Variants in SNRPN observed in about 807,000 individuals in gnomAD.
SNRPN encodes small nuclear ribonucleoprotein polypeptide N.
A neutral mutation model predicts 25.2 loss-of-function variants in SNRPN; 7 were observed. The ratio of observed to expected loss-of-function variants is 0.28; its 90% CI spans 0.16 to 0.52. SNRPN has a LOEUF of 0.52. Ranked by LOEUF, SNRPN falls within the 20% of genes least tolerant of loss-of-function variation. The probability of loss-of-function intolerance (pLI) is 0.96; values close to 1 mark genes in which losing one functional copy is unlikely to be tolerated. For synonymous variants in SNRPN, 124 were observed against 110.6 expected (o/e 1.12, Z -0.76); for missense variants, 196 against 322.5 (o/e 0.61, Z 3.00).
intron 3 of SNRPN, among the ~76,000 whole-genome samples, chr15:24,923,233 T>C (rs189099098): frequency 1.4e-4 from 21 of 152,268 alleles, no homozygotes; most frequent in African/African-American, 5.1e-4. Flanking sequence ...CTGATGATTG[T>C]TTGGGTTGTG....
At chr15:24,844,985 G>A (rs2052057043) in intron 2 of SNRPN, among the ~76,000 whole-genome samples, 1 of 151,866 alleles carries the variant, frequency 6.6e-6, no homozygotes, top group South Asian at 2.1e-4. Context: ...TTTATATCTA[G>A]TGCAAAAAAG....
chr15:24,932,919 G>A (rs2152899193), intron 3 of SNRPN, among the ~76,000 whole-genome samples: 1 of 152,272 alleles, frequency 6.6e-6, no homozygotes, highest in Non-Finnish European at 1.5e-5. Flanking sequence ...AAAGTGCTGG[G>A]ATTACAGGCG....
intron 3 of SNRPN, among the ~76,000 whole-genome samples, chr15:24,926,250 C>A (rs372186201): frequency 1.1e-4 from 17 of 151,970 alleles, no homozygotes; most frequent in South Asian, 1.0e-3. Flanking sequence ...GTAGGTGATT[C>A]CTTTTTAAAT....
At chr15:24,858,113 G>A (rs958311966) in intron 1 of SNRPN, among the ~76,000 whole-genome samples, 1 of 152,142 alleles carries the variant, frequency 6.6e-6, no homozygotes, top group Non-Finnish European at 1.5e-5. Context: ...ATCCCCAGGA[G>A]CAGTTTGAGG....
At chr15:24,878,516 C>G (rs544688565) in intron 1 of SNRPN, among the ~76,000 whole-genome samples, 1 of 152,350 alleles carries the variant, frequency 6.6e-6, no homozygotes, top group East Asian at 1.9e-4. Context: ...ATGGCGCCCG[C>G]CGGGAGTCTC....
rs113034679 is a variant in SNRPN, at chr15:24,944,076, C to A, written c.-390-18038C>A. ...ACCTCAAGTGATCTATCTGCCTCAG[C>A]CTCCCAGAGTGCTGGGATTACAGGC... On this transcript the variant is annotated intron_variant, in intron 3 of 11. Transcript: ENST00000400097. Among the ~76,000 whole-genome samples the A allele has an allele frequency of 2.7e-3, 412 of 152,312 alleles. 1 individual carries two copies. Among genetic ancestry groups the A allele is most frequent in the African/African-American group, 9.4e-3 (392 of 41,580 alleles).
intron 2 of SNRPN, among the ~76,000 whole-genome samples, chr15:24,830,624 G>A (rs1016893131): frequency 6.6e-6 from 1 of 152,038 alleles, no homozygotes; most frequent in African/African-American, 2.4e-5. Flanking sequence ...TTGATGAGGT[G>A]TGTTTTCCTT....
Position 24,962,129 on chromosome 15 carries a change from G to C in SNRPN, c.-375G>C. 1 of 1,614,128 alleles carries C rather than the reference G, an allele frequency of 6.2e-7. No individual in the cohort carries two copies. The highest frequency in any genetic ancestry group is 8.5e-7 in the Non-Finnish European group (1 of 1,180,020). On this transcript the variant is annotated 5_prime_UTR_variant, in exon 2 of 10. Coordinates refer to ENST00000390687, the MANE Select transcript of SNRPN (RefSeq NM_003097.6). Reference sequence around the variant, plus strand: ...TCTGTTTCAGGGATCGCTTACACCTGAGACGAACTACAGAACAGCACGTAC... The same window carrying C: ...TCTGTTTCAGGGATCGCTTACACCTCAGACGAACTACAGAACAGCACGTAC...
chr15:24,875,898 A>G (rs2055810947), intron 1 of SNRPN, among the ~76,000 whole-genome samples: 1 of 151,884 alleles, frequency 6.6e-6, no homozygotes, highest in Non-Finnish European at 1.5e-5. Flanking sequence ...TACCAAAAAT[A>G]CAAAAACTAG....
chr15:24,914,635 A>T lies in SNRPN; in HGVS notation c.-504-5376A>T, dbSNP rs371833984. Among the ~76,000 whole-genome samples the T allele has an allele frequency of 1.6e-4, 25 of 152,362 alleles. No individual in the cohort carries two copies. The South Asian group carries it at 4.8e-3, about 29-fold the overall frequency. On this transcript the variant is annotated intron_variant, in intron 2 of 11. Coordinates refer to the SNRPN transcript ENST00000400097. ...TGTCCAGAGCAATCAATGGCTCCAG[A>T]GTCTAATTCACCAGTGGATCCCCAA...
At chr15:24,923,923 ATTTTTTTTTTT>A (rs34575205) in intron 3 of SNRPN, among the ~76,000 whole-genome samples, 3 of 89,908 alleles carry the variant, frequency 3.3e-5, no homozygotes, top group Admixed American at 1.6e-4. Context: ...GTATATAAAC[ATTTTTTTTTTT>A]TTTTTTTTTT....
intron 2 of SNRPN, among the ~76,000 whole-genome samples, chr15:24,911,696 C>A (rs1391661898): frequency 3.3e-5 from 5 of 152,212 alleles, no homozygotes; most frequent in African/African-American, 1.2e-4. Context: ...TCCAAGGAAG[C>A]CTTGAAGAAT....
chr15:24,858,504 A>C (rs2146803246), intron 1 of SNRPN, among the ~76,000 whole-genome samples: 2 of 152,222 alleles, frequency 1.3e-5, no homozygotes, highest in South Asian at 4.2e-4. Context: ...GGGCTCCAAA[A>C]AGTAAACCAG....
At chr15:24,865,079 C>T (rs989935575) in intron 1 of SNRPN, among the ~76,000 whole-genome samples, 3 of 142,730 alleles carry the variant, frequency 2.1e-5, no homozygotes. Flanking sequence ...CAGAGTCTTA[C>T]TCTGTCCCCC....
intron 1 of SNRPN, among the ~76,000 whole-genome samples, chr15:24,883,145 C>G (rs889354028): frequency 6.6e-6 from 1 of 152,224 alleles, no homozygotes; most frequent in Admixed American, 6.5e-5. Context: ...TGGGGACTAT[C>G]TGTACTGTGA....
At chr15:24,875,883 A>G (rs978117459) in intron 1 of SNRPN, among the ~76,000 whole-genome samples, 11 of 151,454 alleles carry the variant, frequency 7.3e-5, no homozygotes, top group African/African-American at 2.4e-4. Context: ...GTGAAACCCC[A>G]TCTCTACCAA....
At position 24,974,745 on chromosome 15, in the gene SNRPN, A is replaced by G. The variant is rs144992719; in HGVS notation, c.3+289A>G. The G allele has an allele frequency of 7.8e-4, 473 of 607,956 alleles. No homozygotes were observed. In the African/African-American group the frequency reaches 8.1e-3, roughly 10 times the overall value. The allele number at this position is 607,956 out of a possible 1,614,324, so 37.7% of individuals were successfully genotyped here. The stretch of plus-strand genomic sequence containing the variant: ...CTCGTGCCTCAGCCTCTTTATTAGA[A>G]ACAGGGTTTCACTGTGTTGGCCAGG... On this transcript the variant is annotated intron_variant, in intron 4 of 9. Transcript: ENST00000390687.
chr15:24,968,382 G>T, intron 3 of SNRPN: 1 of 191,498 alleles, frequency 5.2e-6, no homozygotes, highest in Non-Finnish European at 1.1e-5. Flanking sequence ...GTTACTGAAT[G>T]TTTATAATTT....
chr15:24,860,099 T>A (rs2147114314), intron 1 of SNRPN, among the ~76,000 whole-genome samples: 1 of 152,330 alleles, frequency 6.6e-6, no homozygotes, highest in East Asian at 1.9e-4. Flanking sequence ...AAGATGGAGT[T>A]GCTCTGGTTC....
Sources: allele counts gnomAD v4.1 joint callset (sites outside exome capture counted in the v4.1 genomes callset), GRCh38; gene constraint gnomAD v4.1.1; transcripts MANE v1.5; gene names NCBI Gene and HGNC (gene_info 2026-07-23, HGNC 2026-07-21).